Variants in TNS1 observed in about 807,000 individuals in gnomAD.
The protein encoded by TNS1 is tensin-1.
A neutral mutation model predicts 168.6 loss-of-function variants in TNS1; 62 were observed. The ratio of observed to expected loss-of-function variants is 0.37; its 90% CI spans 0.30 to 0.45. TNS1 has a LOEUF of 0.45. Among genes scored for constraint, TNS1 ranks in the 20% least tolerant of loss-of-function variants. The probability of loss-of-function intolerance (pLI) is 1.00; values close to 1 mark genes in which losing one functional copy is unlikely to be tolerated. For missense variants in TNS1, 2,240 were observed against 2,339.4 expected (o/e 0.96, Z 0.88); for synonymous variants, 934 against 933.2 (o/e 1.00, Z -0.02).
chr2:217,939,568 C>T (rs1956804815), intron 3 of TNS1, among the ~76,000 whole-genome samples: 1 of 152,204 alleles, frequency 6.6e-6, no homozygotes, highest in Non-Finnish European at 1.5e-5. Context: ...TAGGAAGGTC[C>T]CTGGGGGAAA....
At chr2:217,919,028 A>G (rs3791919) in intron 4 of TNS1, among the ~76,000 whole-genome samples, 27,361 of 152,136 alleles carry the variant, frequency 0.18, 4,275 homozygotes, top group African/African-American at 0.42. Flanking sequence ...CGTGCAGAGC[A>G]GTGACACTTA....
Position 217,948,543 on chromosome 2 carries a change from G to A in TNS1, c.187-28307C>T, listed in dbSNP as rs116594578. On this transcript the variant is annotated intron_variant, in intron 3 of 32. Coordinates refer to ENST00000682258, the MANE Select transcript of TNS1 (RefSeq NM_001387777.1). The surrounding 1 kb of genome is among the most constrained non-coding windows in gnomAD (Gnocchi z 4.1). ...GCTGTACCTTCCCTCTTCTGACCAT[G>A]CCCTCCCCGCTACAGCTAGAGATGA... 5.4e-3 allele frequency among the ~76,000 whole-genome samples: 818 copies of A among 152,192 alleles called. 7 individuals are homozygous for A. The highest frequency in any genetic ancestry group is 0.019 in the African/African-American group (779 of 41,524).
chr2:217,841,385 C>A (rs555705963), intron 19 of TNS1: 1 of 453,246 alleles, frequency 2.2e-6, no homozygotes, highest in Admixed American at 6.4e-5. Flanking sequence ...GCACAGGGAA[C>A]AGATGGACAT....
At chr2:217,939,535 C>T (rs971281586) in intron 3 of TNS1, among the ~76,000 whole-genome samples, 7 of 152,236 alleles carry the variant, frequency 4.6e-5, no homozygotes, top group Admixed American at 3.9e-4. Flanking sequence ...GTCCCATCTT[C>T]TCTGCAGGAG....
At chr2:217,886,297 A>G (rs1951195942) in intron 13 of TNS1, among the ~76,000 whole-genome samples, 193 bp from the exon 14 acceptor site, 1 of 152,226 alleles carries the variant, frequency 6.6e-6, no homozygotes, top group Admixed American at 6.5e-5. Context: ...TTTCACTTGT[A>G]AGGCAAATTA....
At chr2:217,853,988 A>T (rs1263171682) in intron 18 of TNS1, among the ~76,000 whole-genome samples, 2 of 152,234 alleles carry the variant, frequency 1.3e-5, no homozygotes, top group Non-Finnish European at 2.9e-5. Flanking sequence ...GTTTCAGGGC[A>T]GCTGTTTTCT....
Position 217,841,232 on chromosome 2 carries a change from G to A in TNS1, c.3008-5021C>T, listed in dbSNP as rs183285251. Reference sequence around the variant, plus strand: ...GAGGAAGATTGGAGCCGGTGGAGAGGAGGGGGCGGGAAGCTGCCACTGTGT... The same window carrying A: ...GAGGAAGATTGGAGCCGGTGGAGAGAAGGGGGCGGGAAGCTGCCACTGTGT... On this transcript the variant is annotated intron_variant, in intron 19 of 32. Coordinates refer to ENST00000682258, the MANE Select transcript of TNS1 (RefSeq NM_001387777.1). The A allele has an allele frequency of 2.7e-5, 27 of 985,144 alleles. No homozygotes were observed. The Admixed American group carries it at 3.7e-4, about 13-fold the overall frequency. 61.0% of individuals were successfully genotyped at this position (985,144 alleles called of 1,614,324 possible).
intron 4 of TNS1, among the ~76,000 whole-genome samples, chr2:217,913,952 G>C (rs532530031): frequency 6.6e-6 from 1 of 152,242 alleles, no homozygotes; most frequent in African/African-American, 2.4e-5. Context: ...CTTCCCGCCA[G>C]CAAGAGAGAC....
intron 9 of TNS1, 71 bp from the exon 10 acceptor site, chr2:217,893,632 T>C (rs923182130): frequency 6.5e-7 from 1 of 1,529,014 alleles, no homozygotes. Flanking sequence ...GGGAGCCACC[T>C]ACGCCACGTG....
At chr2:217,979,085 G>A (rs1241585159) in intron 2 of TNS1, among the ~76,000 whole-genome samples, 2 of 152,126 alleles carry the variant, frequency 1.3e-5, no homozygotes, top group East Asian at 2.0e-4. Flanking sequence ...AGCAAAGGGG[G>A]GGGTCCCCCA....
intron 30 of TNS1, among the ~76,000 whole-genome samples, chr2:217,809,518 T>C (rs1940311189): frequency 1.3e-4 from 13 of 97,268 alleles, no homozygotes; most frequent in African/African-American, 4.7e-4. Context: ...GATGGATGGA[T>C]GGATAGGTGC....
intron 2 of TNS1, among the ~76,000 whole-genome samples, chr2:217,984,338 C>A (rs2126065943): frequency 6.6e-6 from 1 of 152,242 alleles, no homozygotes; most frequent in East Asian, 1.9e-4. Flanking sequence ...GTCCAACCTG[C>A]AGGCTGCAGG....
At chr2:217,953,504 A>AT (rs1169056615) in intron 3 of TNS1, among the ~76,000 whole-genome samples, 1 of 152,170 alleles carries the variant, frequency 6.6e-6, no homozygotes, top group Non-Finnish European at 1.5e-5. Context: ...GGGTTTTGGG[A>AT]TTTTTCTTCC....
At position 217,848,577 on chromosome 2, in the gene TNS1, A is replaced by T. The variant is rs1947021147; in HGVS notation, c.1940T>A (p.Leu647Gln). The T allele has an allele frequency of 6.2e-7, 1 of 1,614,068 alleles. No individual in the cohort carries two copies. Among genetic ancestry groups the T allele is most frequent in the Non-Finnish European group, 8.5e-7 (1 of 1,180,026 alleles). ...SAGSMGTLSSLDGVTNTSEGG... is the reference protein window; with the variant it reads ...SAGSMGTLSSQDGVTNTSEGG... ...CTCACTGGTGTTGGTGACCCCGTCCAGAGAAGAGAGTGTGCCCATGCTGCC... is the reference window on the plus strand; with the variant it reads ...CTCACTGGTGTTGGTGACCCCGTCCTGAGAAGAGAGTGTGCCCATGCTGCC... Residue 647 changes from leucine to glutamine, a missense_variant, in exon 19 of 33, where the codon CTG (leucine) becomes CAG (glutamine). By Grantham distance (113) the Leu-to-Gln change is moderately radical (BLOSUM62 -2). Around this residue, in one of 2 missense-constraint regions of TNS1, gnomAD observed 2,131 missense variants for 2,171.2 expected, o/e 0.98. Transcript: ENST00000682258.
chr2:218,013,891 G>A (rs1958733210), upstream of TNS1, among the ~76,000 whole-genome samples: 1 of 152,194 alleles, frequency 6.6e-6, no homozygotes, highest in Non-Finnish European at 1.5e-5. Flanking sequence ...TGGAGTCCAT[G>A]TTTGCAGACA....
At chr2:217,885,681 A>G in intron 15 of TNS1, 63 bp downstream of exon 15, 1 of 1,537,430 alleles carries the variant, frequency 6.5e-7, no homozygotes, top group Admixed American at 1.7e-5. Context: ...GCAGGAAAGG[A>G]GTAAGAAAAG....
chr2:218,020,216 C>T (rs1442791690), intron 1 of TNS1, among the ~76,000 whole-genome samples: 1 of 152,046 alleles, frequency 6.6e-6, no homozygotes, highest in Non-Finnish European at 1.5e-5. Context: ...TGTGGGGGTG[C>T]TAAAATATTT....
chr2:217,821,994 A>G, intron 22 of TNS1, 56 bp from the exon 23 acceptor site: 1 of 1,499,966 alleles, frequency 6.7e-7, no homozygotes, highest in Non-Finnish European at 8.9e-7. Context: ...GGTGCAGTGC[A>G]GGTCCCCCCC....
chr2:217,874,283 C>G (rs559724097), intron 18 of TNS1, among the ~76,000 whole-genome samples: 1 of 152,098 alleles, frequency 6.6e-6, no homozygotes, highest in African/African-American at 2.4e-5. Context: ...GCTTGTTCAG[C>G]CCAGTAAGTA....
Sources: allele counts gnomAD v4.1 joint callset (sites outside exome capture counted in the v4.1 genomes callset), GRCh38; gene constraint gnomAD v4.1.1; regional missense constraint gnomAD v4.1.1; non-coding constraint Gnocchi (gnomAD v3.1); transcripts MANE v1.5; gene names NCBI Gene and HGNC (gene_info 2026-07-23, HGNC 2026-07-21).